Variants in CTNND2 observed in about 807,000 individuals in gnomAD.
CTNND2 encodes the protein catenin delta-2.
Under a neutral mutation model 144.4 loss-of-function variants are expected in CTNND2, and 22 were observed. The observed-to-expected ratio is 0.15, with a 90% CI of 0.11 to 0.22. The LOEUF is 0.22. Among genes scored for constraint, CTNND2 ranks in the 10% least tolerant of loss-of-function variants. The pLI, the probability that CTNND2 is intolerant of heterozygous loss-of-function variation, is 1.00. For missense variants in CTNND2, 1,353 were observed against 1,618.8 expected, an observed-to-expected ratio of 0.84 and a Z score of 2.82; for synonymous variants, 751 against 695.6, an observed-to-expected ratio of 1.08 and a Z score of -1.25.
chr5:11,591,909 G>T (rs1779260989), intron 2 of CTNND2, among the ~76,000 whole-genome samples: 1 of 152,034 alleles, frequency 6.6e-6, no homozygotes, highest in Non-Finnish European at 1.5e-5. Context: ...ACAGATTGGG[G>T]AGGGGAGCAA....
At chr5:11,284,062 C>T (rs189251084) in intron 9 of CTNND2, among the ~76,000 whole-genome samples, 26 of 152,210 alleles carry the variant, frequency 1.7e-4, no homozygotes, top group African/African-American at 5.1e-4. Flanking sequence ...CAGCACATTC[C>T]CACTGCTGCC....
chr5:11,656,732 A>G (rs1261117243), intron 2 of CTNND2, among the ~76,000 whole-genome samples: 1 of 152,162 alleles, frequency 6.6e-6, no homozygotes. Flanking sequence ...TAACTATGCA[A>G]GCTCCGTAAC....
intron 16 of CTNND2, among the ~76,000 whole-genome samples, chr5:11,078,187 A>G (rs895489473): frequency 6.6e-6 from 1 of 152,222 alleles, no homozygotes; most frequent in Non-Finnish European, 1.5e-5. Context: ...GTCCAAGATT[A>G]ACCTTTCATT....
At chr5:11,217,220 C>T (rs1025338404) in intron 10 of CTNND2, among the ~76,000 whole-genome samples, 2 of 152,208 alleles carry the variant, frequency 1.3e-5, no homozygotes, top group Non-Finnish European at 2.9e-5. Context: ...ATCCTGTCTA[C>T]ACAAGTAAGA....
At chr5:11,614,184 C>T (rs1280679174) in intron 2 of CTNND2, among the ~76,000 whole-genome samples, 5 of 152,064 alleles carry the variant, frequency 3.3e-5, no homozygotes, top group Admixed American at 1.3e-4. Flanking sequence ...TCTGCATGCC[C>T]TTTACATTTT....
chr5:11,319,389 T>C (rs72730987), intron 9 of CTNND2, among the ~76,000 whole-genome samples: 4,029 of 152,292 alleles, frequency 0.026, 72 homozygotes, highest in Middle Eastern at 0.078. Flanking sequence ...ATATGTAAAA[T>C]AAATATTTAT....
chr5:11,121,396 C>T (rs548591149), intron 12 of CTNND2, among the ~76,000 whole-genome samples: 1 of 152,100 alleles, frequency 6.6e-6, no homozygotes, highest in African/African-American at 2.4e-5. Context: ...TGGAAAAATT[C>T]TATGCATAAA....
intron 1 of CTNND2, among the ~76,000 whole-genome samples, chr5:11,792,535 C>T (rs1561801021): frequency 6.6e-6 from 1 of 152,196 alleles, no homozygotes; most frequent in Non-Finnish European, 1.5e-5. Flanking sequence ...TCCTTCCCCA[C>T]ATATTTTTGT....
rs573911091 is a variant in CTNND2, at chr5:11,601,279, T to C, written c.175-36223A>G. 7.4e-4 allele frequency among the ~76,000 whole-genome samples: 113 copies of C among 152,302 alleles called. 4 individuals carry two copies. The South Asian group carries it at 0.023, about 31-fold the overall frequency. The stretch of plus-strand genomic sequence containing the variant: ...CCCATAGCATTATTTTCACTTTTTT[T>C]CTCTTTATGACCTAATTGGAATGAT... On this transcript the variant is annotated intron_variant, in intron 2 of 21. Transcript: ENST00000304623.
intron 18 of CTNND2, among the ~76,000 whole-genome samples, 193 bp from the exon 19 acceptor site, chr5:10,992,870 A>C (rs1281858745): frequency 6.6e-6 from 1 of 152,196 alleles, no homozygotes; most frequent in Admixed American, 6.5e-5. Flanking sequence ...TTCCCTCCAG[A>C]GAGCCTGGCG....
chr5:11,792,923 ATT>A (rs1002927933), intron 1 of CTNND2, among the ~76,000 whole-genome samples: 11 of 152,200 alleles, frequency 7.2e-5, no homozygotes, highest in Non-Finnish European at 1.6e-4. Context: ...CAGAAGCCAC[ATT>A]TATTTAGGGG....
At chr5:11,391,026 C>T (rs139270579) in intron 6 of CTNND2, among the ~76,000 whole-genome samples, 11 of 152,096 alleles carry the variant, frequency 7.2e-5, no homozygotes, top group East Asian at 5.8e-4. Flanking sequence ...AATGTGGCCA[C>T]GGACTGGGGG....
chr5:11,569,938 G>A, intron 2 of CTNND2, among the ~76,000 whole-genome samples: 1 of 152,164 alleles, frequency 6.6e-6, no homozygotes, highest in African/African-American at 2.4e-5. Context: ...AGAACTGTAA[G>A]AAATGTTTCA....
intron 8 of CTNND2, among the ~76,000 whole-genome samples, chr5:11,352,400 A>C (rs1580989425): frequency 6.6e-6 from 1 of 152,198 alleles, no homozygotes; most frequent in East Asian, 1.9e-4. Context: ...ACCTTGAAAA[A>C]ATTTAAAAAT....
intron 8 of CTNND2, among the ~76,000 whole-genome samples, chr5:11,364,245 C>A (rs1756744958): frequency 6.6e-6 from 1 of 152,150 alleles, no homozygotes; most frequent in African/African-American, 2.4e-5. Context: ...AAATTGTCTG[C>A]CTTTCAAAAT....
intron 9 of CTNND2, among the ~76,000 whole-genome samples, chr5:11,277,504 T>TTATTTATG (rs1207427935): frequency 0.022 from 1,536 of 69,422 alleles, 18 homozygotes; most frequent in Non-Finnish European, 0.033. Flanking sequence ...TTAAAAATAT[T>TTATTTATG]TATTTATTTA....
chr5:11,670,020 T>G (rs1276581345), intron 2 of CTNND2, among the ~76,000 whole-genome samples: 2 of 152,102 alleles, frequency 1.3e-5, no homozygotes, highest in African/African-American at 4.8e-5. Flanking sequence ...CAGTAGTTAG[T>G]CAGGAGCAGG....
At chr5:11,488,965 G>T (rs1203028778) in intron 3 of CTNND2, among the ~76,000 whole-genome samples, 1 of 152,132 alleles carries the variant, frequency 6.6e-6, no homozygotes, top group African/African-American at 2.4e-5. Context: ...ACTAGTTGAG[G>T]TTATTCAGGT....
At chr5:10,979,360 A>T (rs905572997) in intron 21 of CTNND2, among the ~76,000 whole-genome samples, 2 of 152,214 alleles carry the variant, frequency 1.3e-5, no homozygotes, top group African/African-American at 4.8e-5. Context: ...CTATTTATTT[A>T]GTCATTGGCT....
Sources: allele counts gnomAD v4.1 joint callset (sites outside exome capture counted in the v4.1 genomes callset), GRCh38; gene constraint gnomAD v4.1.1; transcripts MANE v1.5; gene names NCBI Gene and HGNC (gene_info 2026-07-23, HGNC 2026-07-21).